The following PACRG variants were observed in gnomAD, a reference collection of about 807,000 sequenced individuals.
The protein encoded by PACRG is parkin coregulated gene protein.
PACRG carries 29 observed loss-of-function variants against 29.7 expected under a neutral mutation model. The observed-to-expected ratio is 0.98, with a 90% CI of 0.73 to 1.33. The LOEUF is 1.33. Ranked by LOEUF, PACRG falls within the 40% of genes most tolerant of loss-of-function variation. PACRG has a pLI of 0.00. For missense variants in PACRG, 279 were observed against 316.2 expected, an observed-to-expected ratio of 0.88 and a Z score of 0.89; for synonymous variants, 116 against 118.7, an observed-to-expected ratio of 0.98 and a Z score of 0.15.
chr6:162,918,278 T>C (rs1254053463), intron 2 of PACRG, among the ~76,000 whole-genome samples: 1 of 152,214 alleles, frequency 6.6e-6, no homozygotes, highest in Non-Finnish European at 1.5e-5. Context: ...GCATAACGCC[T>C]CTGGAAGTGC....
chr6:163,034,137 C>T (rs1453244391), intron 2 of PACRG, among the ~76,000 whole-genome samples: 1 of 152,156 alleles, frequency 6.6e-6, no homozygotes, highest in East Asian at 1.9e-4. Context: ...TCAGGGAGGC[C>T]AGAGAAAGAC....
chr6:163,113,975 T>C (rs898029523), intron 4 of PACRG, among the ~76,000 whole-genome samples: 1 of 152,222 alleles, frequency 6.6e-6, no homozygotes, highest in African/African-American at 2.4e-5. Flanking sequence ...TAAGACGTAA[T>C]TTTGTAATAT....
intron 2 of PACRG, among the ~76,000 whole-genome samples, chr6:163,054,705 C>G (rs1436012341): frequency 6.6e-6 from 1 of 152,114 alleles, no homozygotes; most frequent in Admixed American, 6.5e-5. Flanking sequence ...AGAGTCCCTG[C>G]TAGGGTGCTT....
intron 2 of PACRG, among the ~76,000 whole-genome samples, chr6:163,022,316 A>G (rs1806709998): frequency 6.6e-6 from 1 of 152,230 alleles, no homozygotes; most frequent in South Asian, 2.1e-4. Context: ...TGATGTAATA[A>G]TTGCCGTGTA....
chr6:163,221,354 C>T (rs545253082), intron 4 of PACRG, among the ~76,000 whole-genome samples: 49 of 152,314 alleles, frequency 3.2e-4, no homozygotes, highest in Non-Finnish European at 6.0e-4. Flanking sequence ...CTCTTCCGTG[C>T]GGGCAAAGGC....
At chr6:162,964,918 T>G (rs368417010) in intron 2 of PACRG, among the ~76,000 whole-genome samples, 17 of 152,234 alleles carry the variant, frequency 1.1e-4, no homozygotes, top group African/African-American at 3.6e-4. Context: ...TTTGAACATC[T>G]GAATGTAACG....
At chr6:163,090,049 T>C (rs1813953151) in intron 4 of PACRG, among the ~76,000 whole-genome samples, 1 of 150,758 alleles carries the variant, frequency 6.6e-6, no homozygotes, top group Non-Finnish European at 1.5e-5. Flanking sequence ...AATTTTGAAG[T>C]TCCGTACTTC....
chr6:162,914,512 T>G (rs1057499477), intron 2 of PACRG, among the ~76,000 whole-genome samples: 4 of 105,166 alleles, frequency 3.8e-5, no homozygotes, highest in East Asian at 6.4e-4. Context: ...TTTTTTGTTT[T>G]TTTTTTTTTT....
intron 2 of PACRG, chr6:163,042,697 G>A (rs1390922150): frequency 1.1e-4 from 5 of 46,690 alleles, no homozygotes; most frequent in African/African-American, 5.7e-4. Context: ...TACTGTGTTT[G>A]CTGTAAAAAA....
chr6:162,968,100 T>C (rs1801202249), intron 2 of PACRG, among the ~76,000 whole-genome samples: 1 of 152,190 alleles, frequency 6.6e-6, no homozygotes, highest in Non-Finnish European at 1.5e-5. Context: ...TATTCCAGAC[T>C]GCCATAATTA....
At chr6:163,170,232 T>C (rs1412254153) in intron 4 of PACRG, among the ~76,000 whole-genome samples, 2 of 152,062 alleles carry the variant, frequency 1.3e-5, no homozygotes, top group East Asian at 3.9e-4. Context: ...GGCTGTGGCT[T>C]AGAGCGGGGA....
rs1585107663 is a variant in PACRG, at chr6:163,055,612, T to C, written c.292-6538T>C. On this transcript the variant is annotated intron_variant, in intron 2 of 4. Transcript: ENST00000366888. This position sits in a 1 kb window ranked among gnomAD's most constrained non-coding sequence, Gnocchi z 4.0. ...AAAAAGTTTGTGTCTCAAAATATAA[T>C]GGCAAATTGTTATTCTATTATTTTG... 6.6e-6 allele frequency among the ~76,000 whole-genome samples: 1 copy of C among 152,216 alleles called. No homozygotes were observed. The highest frequency in any genetic ancestry group is 1.5e-5 in the Non-Finnish European group (1 of 68,038).
intron 2 of PACRG, among the ~76,000 whole-genome samples, chr6:162,847,542 T>A (rs556229871): frequency 1.3e-5 from 2 of 151,036 alleles, no homozygotes; most frequent in African/African-American, 4.9e-5. Context: ...GTTGAATGGA[T>A]AAGGGGCCTC....
At position 163,168,985 on chromosome 6, in the gene PACRG, AT is replaced by A. The variant is rs368393269; in HGVS notation, c.613+79580del. On this transcript the variant is annotated intron_variant, in intron 4 of 4. Transcript: ENST00000366888. ...AAGCGACCAGAAGTGAAGCTAATCA[AT>A]TTAATAACACATGCAGTTATTTCCT... Among the ~76,000 whole-genome samples, 30 of 152,386 alleles carry A rather than the reference AT, an allele frequency of 2.0e-4. No homozygotes were observed. In the East Asian group the frequency reaches 5.6e-3, roughly 28 times the overall value.
chr6:162,738,127 C>G (rs1405346381), intron 1 of PACRG, among the ~76,000 whole-genome samples: 4 of 152,160 alleles, frequency 2.6e-5, no homozygotes, highest in Admixed American at 2.0e-4. Flanking sequence ...TCTGTCCTTT[C>G]ATTCCTAGAG....
intron 3 of PACRG, among the ~76,000 whole-genome samples, chr6:163,067,015 T>C (rs1440675967): frequency 6.6e-6 from 1 of 152,212 alleles, no homozygotes; most frequent in East Asian, 1.9e-4. Flanking sequence ...CTCATCGTTT[T>C]CACCCCGGAA....
intron 2 of PACRG, among the ~76,000 whole-genome samples, chr6:163,006,672 C>A (rs1353521032): frequency 6.6e-6 from 1 of 151,484 alleles, no homozygotes; most frequent in African/African-American, 2.4e-5. Context: ...ATAAATTGAC[C>A]CCCTTATCAA....
intron 4 of PACRG, among the ~76,000 whole-genome samples, chr6:163,113,480 A>G (rs1436483673): frequency 6.6e-6 from 1 of 152,208 alleles, no homozygotes; most frequent in Non-Finnish European, 1.5e-5. Context: ...AAGACAAGCA[A>G]TCTTGAAAGC....
chr6:163,094,217 T>A lies in PACRG; in HGVS notation c.613+4809T>A, dbSNP rs116136775. ...TGATGTATGTAAATGTTATTTCTCC[T>A]CACAGAGATTTACATTTAATTTTGG... On this transcript the variant is annotated intron_variant, in intron 4 of 4. Transcript: ENST00000366888. 4.8e-3 allele frequency among the ~76,000 whole-genome samples: 730 copies of A among 152,376 alleles called. 5 individuals are homozygous for A. Among genetic ancestry groups the A allele is most frequent in the African/African-American group, 0.017 (703 of 41,586 alleles).
Sources: gnomAD v4.1 joint callset for allele counts (sites outside exome capture counted in the v4.1 genomes callset) on GRCh38, gnomAD v4.1.1 for gene constraint, Gnocchi (gnomAD v3.1) non-coding constraint, MANE v1.5 for transcripts, NCBI Gene and HGNC (gene_info 2026-07-23, HGNC 2026-07-21) for gene names.